Variants in NRXN1 observed in about 807,000 individuals in gnomAD.
NRXN1 encodes the protein neurexin-1.
NRXN1 carries 39 observed loss-of-function variants against 150.9 expected under a neutral mutation model. The ratio of observed to expected loss-of-function variants is 0.26; its 90% confidence interval spans 0.20 to 0.34. The LOEUF is 0.34. Ranked by LOEUF, NRXN1 falls within the 10% of genes least tolerant of loss-of-function variation. The pLI is 1.00. For synonymous variants in NRXN1, 924 were observed against 757.0 expected, an observed-to-expected ratio of 1.22 and a Z score of -3.62; for missense variants, 1,815 against 1,949.9, an observed-to-expected ratio of 0.93 and a Z score of 1.30.
At chr2:50,683,074 G>A (rs1318366065) in intron 5 of NRXN1, among the ~76,000 whole-genome samples, 2 of 152,136 alleles carry the variant, frequency 1.3e-5, no homozygotes, top group Non-Finnish European at 2.9e-5. Context: ...CTGAGCTGCT[G>A]TGGACACAGA....
At chr2:50,620,207 G>C in intron 7 of NRXN1, 24 bp from the exon 8 acceptor site, 3 of 1,611,786 alleles carry the variant, frequency 1.9e-6, no homozygotes, top group Non-Finnish European at 2.5e-6. Context: ...CACAGGGAAA[G>C]GACACGCTAT....
At chr2:50,904,637 C>T (rs933947208) in intron 5 of NRXN1, among the ~76,000 whole-genome samples, 1 of 151,940 alleles carries the variant, frequency 6.6e-6, no homozygotes, top group Non-Finnish European at 1.5e-5. Flanking sequence ...ATCCATGAAA[C>T]AACCTGTCTG....
chr2:50,753,996 G>A (rs1574357127), intron 5 of NRXN1, among the ~76,000 whole-genome samples: 3 of 140,336 alleles, frequency 2.1e-5, no homozygotes, highest in African/African-American at 8.0e-5. Flanking sequence ...TGGCATTAAT[G>A]TACTAGTTTA....
At chr2:50,163,164 G>GTATATA (rs59163565) in intron 18 of NRXN1, among the ~76,000 whole-genome samples, 4,617 of 141,592 alleles carry the variant, frequency 0.033, 79 homozygotes, top group Non-Finnish European at 0.04. Context: ...AATCCAAAAT[G>GTATATA]TATATATATA....
intron 8 of NRXN1, among the ~76,000 whole-genome samples, chr2:50,592,088 C>T (rs1047570068): frequency 2.6e-5 from 4 of 152,172 alleles, no homozygotes; most frequent in East Asian, 1.9e-4. Flanking sequence ...TGTCAGTCAT[C>T]GTGCTTCACT....
At chr2:50,706,395 A>G (rs1184122272) in intron 5 of NRXN1, among the ~76,000 whole-genome samples, 1 of 152,162 alleles carries the variant, frequency 6.6e-6, no homozygotes, top group African/African-American at 2.4e-5. Context: ...AGGTTAGCAA[A>G]TACTTCTGTT....
intron 21 of NRXN1, among the ~76,000 whole-genome samples, chr2:50,043,589 T>C (rs1420687327): frequency 3.3e-5 from 5 of 152,202 alleles, no homozygotes; most frequent in Admixed American, 3.3e-4. Context: ...AGTACCTACA[T>C]CATTTTCTAG....
intron 17 of NRXN1, among the ~76,000 whole-genome samples, chr2:50,373,294 T>TTATTATTCTTATTATTA (rs1553512407): frequency 7.1e-6 from 1 of 140,412 alleles, no homozygotes; most frequent in African/African-American, 2.7e-5. Flanking sequence ...TATTTTATTT[T>TTATTATTCTTATTATTA]TTATTATTAT....
chr2:50,810,771 G>C (rs888488464), intron 5 of NRXN1, among the ~76,000 whole-genome samples: 2 of 152,162 alleles, frequency 1.3e-5, no homozygotes, highest in Non-Finnish European at 2.9e-5. Flanking sequence ...CAAGAGGTCA[G>C]GAGATGAAGA....
chr2:50,201,304 G>C (rs931466290), intron 18 of NRXN1, among the ~76,000 whole-genome samples: 1 of 152,084 alleles, frequency 6.6e-6, no homozygotes, highest in African/African-American at 2.4e-5. Context: ...AAAAAGACTT[G>C]ACACTAAGAC....
At chr2:50,589,900 G>A (rs1673840820) in intron 8 of NRXN1, among the ~76,000 whole-genome samples, 1 of 152,148 alleles carries the variant, frequency 6.6e-6, no homozygotes, top group African/African-American at 2.4e-5. Flanking sequence ...TCATTAGACT[G>A]TAAGCACCAC....
intron 21 of NRXN1, among the ~76,000 whole-genome samples, chr2:50,018,450 T>G (rs1207681460): frequency 1.3e-5 from 2 of 152,164 alleles, no homozygotes; most frequent in African/African-American, 4.8e-5. Flanking sequence ...AAAATAAATG[T>G]GAAGGCAGTA....
At chr2:50,798,312 T>C (rs1574509637) in intron 5 of NRXN1, among the ~76,000 whole-genome samples, 1 of 152,180 alleles carries the variant, frequency 6.6e-6, no homozygotes, top group East Asian at 1.9e-4. Context: ...AATTATTTTG[T>C]ATAATTAGAA....
rs1398350755 is a variant in NRXN1 at position 50,129,351 on chromosome 2, T to C, written c.3547-37857A>G. On this transcript the variant is annotated intron_variant, in intron 18 of 22. Transcript: ENST00000401669. ...TTCTTTCACTGAAATTGGACATAATTTAGTGAAGCAAGATGCTGAGAAGTC... is the reference window on the plus strand; with the variant it reads ...TTCTTTCACTGAAATTGGACATAATCTAGTGAAGCAAGATGCTGAGAAGTC... Among the ~76,000 whole-genome samples, 5 of 152,146 alleles carry C rather than the reference T, an allele frequency of 3.3e-5. No homozygotes were observed. In the East Asian group the frequency reaches 9.6e-4, roughly 29 times the overall value.
Position 50,668,933 on chromosome 2 carries a change from G to C in NRXN1, c.833-45318C>G, listed in dbSNP as rs541894531. Among the ~76,000 whole-genome samples the C allele has an allele frequency of 2.0e-5, 3 of 151,994 alleles. No individual in the cohort carries two copies. In the East Asian group the frequency reaches 5.8e-4, roughly 29 times the overall value. On this transcript the variant is annotated intron_variant, in intron 5 of 22. Coordinates refer to ENST00000401669, the MANE Select transcript of NRXN1 (RefSeq NM_001330078.2). ...GCATTGTGATATACAAAAAGCATAG[G>C]CTGTTTTTCAGTGTCGAAATAAAAA... is the stretch of plus-strand genomic sequence containing the variant.
intron 2 of NRXN1, among the ~76,000 whole-genome samples, chr2:50,994,089 C>A (rs564407392): frequency 6.6e-6 from 1 of 152,060 alleles, no homozygotes; most frequent in Non-Finnish European, 1.5e-5. Context: ...TCATTCACCA[C>A]ATTCTTTCAA....
intron 2 of NRXN1, among the ~76,000 whole-genome samples, chr2:51,008,612 A>G (rs1667392455): frequency 6.6e-6 from 1 of 151,858 alleles, no homozygotes; most frequent in African/African-American, 2.4e-5. Context: ...TTGAAAACGT[A>G]TTTATTAATT....
Position 50,772,948 on chromosome 2 carries a change from T to C in NRXN1, c.832+148921A>G, listed in dbSNP as rs542088302. ...AAAAGGAGGAGCCTCGTCCATCATA[T>C]TGCCAATAAAGAGCAGTAAAATTAC... On this transcript the variant is annotated intron_variant, in intron 5 of 22. Coordinates refer to ENST00000401669, the MANE Select transcript of NRXN1 (RefSeq NM_001330078.2). 3.9e-5 allele frequency among the ~76,000 whole-genome samples: 6 copies of C among 152,264 alleles called. No individual in the cohort carries two copies. In the South Asian group the frequency reaches 1.2e-3, roughly 32 times the overall value.
intron 8 of NRXN1, chr2:50,616,154 T>A (rs182674660): frequency 6.6e-6 from 1 of 152,292 alleles, no homozygotes; most frequent in Admixed American, 6.5e-5. Context: ...AGACTTTGAT[T>A]TACTTGTGAT....
Sources: gnomAD v4.1 joint callset for allele counts (sites outside exome capture counted in the v4.1 genomes callset) on GRCh38, gnomAD v4.1.1 for gene constraint, MANE v1.5 for transcripts, NCBI Gene and HGNC (gene_info 2026-07-23, HGNC 2026-07-21) for gene names.